ERI1: variants seen among roughly 807,000 people sequenced by gnomAD.
The protein encoded by ERI1 is exoribonuclease 1.
Under a neutral mutation model 39.7 loss-of-function variants are expected in ERI1, and 39 were observed. The ratio of observed to expected loss-of-function variants is 0.98; its 90% CI spans 0.76 to 1.28. ERI1 has a LOEUF of 1.28. Ranked by LOEUF, ERI1 falls within the 50% of genes most tolerant of loss-of-function variation. ERI1 has a pLI of 0.00. For missense variants in ERI1, 581 were observed against 416.9 expected (o/e 1.39, Z -3.43); for synonymous variants, 204 against 149.6 (o/e 1.36, Z -2.65).
intron 3 of ERI1, among the ~76,000 whole-genome samples, chr8:9,065,639 G>A (rs890769171): frequency 6.7e-6 from 1 of 148,864 alleles, no homozygotes; most frequent in East Asian, 2.0e-4. Flanking sequence ...AGCTTGCAGT[G>A]AGCTGAGATC....
chr8:9,067,440 G>T (rs1236743924), intron 3 of ERI1, among the ~76,000 whole-genome samples: 1 of 149,106 alleles, frequency 6.7e-6, no homozygotes, highest in Non-Finnish European at 1.5e-5. Context: ...TAGTAGAAGG[G>T]AAAAAAGAAA....
At chr8:9,025,883 C>A (rs1406015397) in intron 6 of ERI1, among the ~76,000 whole-genome samples, 1 of 152,014 alleles carries the variant, frequency 6.6e-6, no homozygotes, top group Admixed American at 6.6e-5. Context: ...ATATGAAATT[C>A]ATTTTTGTTT....
intron 3 of ERI1, among the ~76,000 whole-genome samples, chr8:9,093,658 C>T (rs1799782309): frequency 6.6e-6 from 1 of 152,212 alleles, no homozygotes; most frequent in South Asian, 2.1e-4. Context: ...ACCTCTGCCT[C>T]CTGGGTTCTA....
At chr8:9,003,419 G>A (rs1041546741) in intron 1 of ERI1, among the ~76,000 whole-genome samples, 2 of 152,216 alleles carry the variant, frequency 1.3e-5, no homozygotes, top group African/African-American at 2.4e-5. Flanking sequence ...TGGGTTAACA[G>A]GTTCTAAGAG....
At chr8:9,072,599 C>G (rs923368742) in intron 3 of ERI1, 1 of 151,950 alleles carries the variant, frequency 6.6e-6, no homozygotes, top group Non-Finnish European at 1.5e-5. Flanking sequence ...CTCCAGCCCT[C>G]AGAAACAACT....
At chr8:9,045,097 G>T (rs557605323) in intron 3 of ERI1, among the ~76,000 whole-genome samples, 1 of 151,818 alleles carries the variant, frequency 6.6e-6, no homozygotes, top group Non-Finnish European at 1.5e-5. Context: ...TTAGCTGGGC[G>T]TAGTGGCGGG....
intron 3 of ERI1, among the ~76,000 whole-genome samples, chr8:9,063,157 G>A (rs1798760341): frequency 6.6e-6 from 1 of 152,152 alleles, no homozygotes; most frequent in Non-Finnish European, 1.5e-5. Flanking sequence ...GCAGCAGATT[G>A]GGTAATAAAA....
chr8:9,023,763 TA>T (rs1818174793), intron 6 of ERI1, among the ~76,000 whole-genome samples: 1 of 148,584 alleles, frequency 6.7e-6, no homozygotes, highest in Non-Finnish European at 1.5e-5. Flanking sequence ...ATGGTATGTC[TA>T]AAAACATTTT....
At chr8:9,036,371 A>G (rs751095481), downstream of ERI1, among the ~76,000 whole-genome samples, 9 of 152,232 alleles carry the variant, frequency 5.9e-5, no homozygotes, top group Non-Finnish European at 5.9e-5. Flanking sequence ...TACCACCCTG[A>G]TCACTCAGTA....
intron 3 of ERI1, among the ~76,000 whole-genome samples, chr8:9,090,183 A>T (rs1481877593): frequency 6.6e-6 from 1 of 151,942 alleles, no homozygotes; most frequent in Non-Finnish European, 1.5e-5. Context: ...CACTTGCTTG[A>T]CCCAATTATG....
rs1480677989 is a variant in ERI1, at chr8:9,032,247, CAATATT to C, written c.*2215_*2220del. The C allele has an allele frequency of 6.6e-6, 1 of 152,144 alleles. No homozygotes were observed. Among genetic ancestry groups the C allele is most frequent in the South Asian group, 2.1e-4 (1 of 4,824 alleles). 9.4% of individuals were successfully genotyped at this position (152,144 alleles called of 1,614,324 possible). ...CGTAAGAGATGGATGTCCATGAAAA[CAATATT>C]AGTATATTCTATTATTGTTTCTTAT... On this transcript the variant is annotated 3_prime_UTR_variant, in exon 7 of 7. Coordinates refer to ENST00000250263, the MANE Select transcript of ERI1 (RefSeq NM_153332.4).
chr8:9,047,696 C>G (rs1384459420), intron 3 of ERI1, among the ~76,000 whole-genome samples: 4 of 149,558 alleles, frequency 2.7e-5, no homozygotes, highest in Admixed American at 6.7e-5. Context: ...GAGACCCTGT[C>G]TCTTAAAAAG....
At chr8:9,014,996 C>G (rs577525074) in intron 3 of ERI1, among the ~76,000 whole-genome samples, 21 of 152,208 alleles carry the variant, frequency 1.4e-4, no homozygotes, top group Non-Finnish European at 2.1e-4. Flanking sequence ...TGCCACCTCG[C>G]CCAGCTAATT....
At chr8:9,072,582 C>T (rs1219240166) in intron 3 of ERI1, 2 of 152,124 alleles carry the variant, frequency 1.3e-5, no homozygotes, top group African/African-American at 2.4e-5. Context: ...GCCTCTATCT[C>T]TGTCCCCTCC....
Position 9,020,456 on chromosome 8 carries a change from T to C in ERI1, c.799T>C (p.Phe267Leu). Reference sequence around the variant, plus strand: ...CAATATTCGGAAGTCATATGGAAATTTTTACAAGGTAAAATTTCTATATTT... The same window carrying C: ...CAATATTCGGAAGTCATATGGAAATCTTTACAAGGTAAAATTTCTATATTT... ...WINIRKSYGN[F>L]YKVPRSQTKL... Residue 267 changes from phenylalanine to leucine, a missense_variant, in exon 6 of 7, where the codon TTT (phenylalanine) becomes CTT (leucine). Physicochemically the swap from Phe to Leu is conservative, Grantham distance 22 (BLOSUM62 0). Coordinates refer to ENST00000250263, the MANE Select transcript of ERI1 (RefSeq NM_153332.4). 1 of 1,582,006 alleles carries C rather than the reference T, an allele frequency of 6.3e-7. No individual in the cohort carries two copies. Among genetic ancestry groups the C allele is most frequent in the Non-Finnish European group, 8.6e-7 (1 of 1,162,042 alleles).
chr8:9,009,155 A>G (rs1184792473), intron 2 of ERI1: 2 of 448,718 alleles, frequency 4.5e-6, no homozygotes, highest in African/African-American at 2.0e-5. Flanking sequence ...TTATACGTTT[A>G]TTCAACAAGC....
chr8:9,079,757 C>A (rs1799315070), intron 3 of ERI1, among the ~76,000 whole-genome samples: 1 of 152,058 alleles, frequency 6.6e-6, no homozygotes, highest in African/African-American at 2.4e-5. Flanking sequence ...GCAGCCTTGA[C>A]CTCCCCAGGC....
Position 9,003,121 on chromosome 8 carries a change from G to T in ERI1, c.58G>T (p.Glu20Ter). The change falls in exon 1 of 7, where the codon GAG becomes TAG. Residue 20 changes from glutamate (E) to a stop codon, truncating the protein, a stop_gained. Coordinates refer to ENST00000250263, the MANE Select transcript of ERI1 (RefSeq NM_153332.4). LOFTEE classifies it high-confidence loss of function. The stretch of plus-strand genomic sequence containing the variant: ...CGAGGCCGTGGCTCTCGCGCTGCTG[G>T]AGTCGCCGCGGCCGGAGGGCGGGGA... ...AGEAVALALL[E>*]SPRPEGGEEP... 8.0e-7 allele frequency: 1 copy of T among 1,245,964 alleles called. No homozygotes were observed. The highest frequency in any genetic ancestry group is 1.0e-6 in the Non-Finnish European group (1 of 990,190). 77.2% of individuals were successfully genotyped at this position (1,245,964 alleles called of 1,614,324 possible).
chr8:9,023,270 C>T (rs920325921), intron 6 of ERI1, among the ~76,000 whole-genome samples: 4 of 151,980 alleles, frequency 2.6e-5, no homozygotes, highest in Non-Finnish European at 5.9e-5. Context: ...ATTTTGTAAT[C>T]ATATCCTGGA....
Sources: allele counts gnomAD v4.1 joint callset (sites outside exome capture counted in the v4.1 genomes callset), GRCh38; gene constraint gnomAD v4.1.1; transcripts MANE v1.5; gene names NCBI Gene and HGNC (gene_info 2026-07-23, HGNC 2026-07-21).